The following CLPTM1L variants were observed in gnomAD, a reference collection of about 807,000 sequenced individuals.
CLPTM1L encodes the protein lipid scramblase CLPTM1L.
CLPTM1L carries 38 observed loss-of-function variants against 70.9 expected under a neutral mutation model. That is an observed-to-expected ratio of 0.54 (90% confidence interval 0.41 to 0.70). The LOEUF is 0.70. Among genes scored for constraint, CLPTM1L ranks in the 30% least tolerant of loss-of-function variants. CLPTM1L has a pLI of 0.00. For missense variants in CLPTM1L, 652 were observed against 705.9 expected, an observed-to-expected ratio of 0.92 and a Z score of 0.87; for synonymous variants, 339 against 299.9, an observed-to-expected ratio of 1.13 and a Z score of -1.35.
intron 5 of CLPTM1L, among the ~76,000 whole-genome samples, chr5:1,335,415 G>T (rs369713965): frequency 2.6e-5 from 4 of 152,238 alleles, no homozygotes; most frequent in Non-Finnish European, 5.9e-5. Flanking sequence ...GCTCAGCAGC[G>T]CTAGCAGTGC....
In CLPTM1L at chr5:1,338,910, A is replaced by C; in HGVS notation, c.549T>G (p.Phe183Leu). The C allele has an allele frequency of 3.1e-6, 5 of 1,613,374 alleles. No individual in the cohort carries two copies. The highest frequency in any genetic ancestry group is 4.2e-6 in the Non-Finnish European group (5 of 1,180,042). The stretch of plus-strand genomic sequence containing the variant: ...CAGGCAGGGAGGACCCGTCAAAGAC[A>C]AAGTTGTCCGCCATCACGTTCAGCG... ...RLALNVMADNFVFDGSSLPAD... is the reference protein window; with the variant it reads ...RLALNVMADNLVFDGSSLPAD... Residue 183 changes from phenylalanine to leucine, a missense_variant, in exon 4 of 17, where the codon TTT (phenylalanine) becomes TTG (leucine). Around this residue, in one of 3 missense-constraint regions of CLPTM1L, gnomAD observed 402 missense variants for 388.2 expected, o/e 1.04. Transcript: ENST00000320895.
chr5:1,342,039 T>TGTGTGTGTGTGTGTGTGTGTGCGC lies in CLPTM1L; in HGVS notation c.264-180_264-179insGCGCACACACACACACACACACAC, dbSNP rs3222913. On this transcript the variant is annotated intron_variant, in intron 2 of 16. Transcript: ENST00000320895. This position sits in a 1 kb window ranked among gnomAD's most constrained non-coding sequence, Gnocchi z 4.3. ...GTGTGTGTGTGTGTGTGTGTGTGTG[T>TGTGTGTGTGTGTGTGTGTGTGCGC]GCACGCGCACGCGTGCGCGTCCTGA... 6.7e-6 allele frequency among the ~76,000 whole-genome samples: 1 copy of TGTGTGTGTGTGTGTGTGTGTGCGC among 148,976 alleles called. No individual in the cohort carries two copies. Among genetic ancestry groups the TGTGTGTGTGTGTGTGTGTGTGCGC allele is most frequent in the Non-Finnish European group, 1.5e-5 (1 of 67,344 alleles).
intron 5 of CLPTM1L, among the ~76,000 whole-genome samples, chr5:1,336,955 T>C (rs456366): frequency 0.49 from 74,676 of 152,028 alleles, 20,120 homozygotes; most frequent in African/African-American, 0.71. Flanking sequence ...ACCCCCCCGC[T>C]AGCAAGCCCT....
rs143001023 is a variant in CLPTM1L, at chr5:1,342,636, A to G, written c.264-776T>C. 1.3e-5 allele frequency among the ~76,000 whole-genome samples: 2 copies of G among 152,220 alleles called. No homozygotes were observed. The highest frequency in any genetic ancestry group is 1.5e-5 in the Non-Finnish European group (1 of 68,042). On this transcript the variant is annotated intron_variant, in intron 2 of 16. Transcript: ENST00000320895. This position sits in a 1 kb window ranked among gnomAD's most constrained non-coding sequence, Gnocchi z 4.3. ...ACAAGGTCTCGCTGTCACCAGGCTG[A>G]AAGTGTAGGGGTGCAATCACAGCTC...
In CLPTM1L at chr5:1,342,039, T is replaced by TGTGTACGCGCGCGC. The variant is rs3222913; in HGVS notation, c.264-180_264-179insGCGCGCGCGTACAC. Among the ~76,000 whole-genome samples the TGTGTACGCGCGCGC allele has an allele frequency of 6.7e-6, 1 of 148,976 alleles. No homozygotes were observed. Among genetic ancestry groups the TGTGTACGCGCGCGC allele is most frequent in the African/African-American group, 2.5e-5 (1 of 39,664 alleles). On this transcript the variant is annotated intron_variant, in intron 2 of 16. Coordinates refer to ENST00000320895, the MANE Select transcript of CLPTM1L (RefSeq NM_030782.5). The surrounding 1 kb of genome is among the most constrained non-coding windows in gnomAD (Gnocchi z 4.3). ...GTGTGTGTGTGTGTGTGTGTGTGTG[T>TGTGTACGCGCGCGC]GCACGCGCACGCGTGCGCGTCCTGA...
intron 12 of CLPTM1L, among the ~76,000 whole-genome samples, chr5:1,323,219 G>A (rs1162817200): frequency 6.6e-6 from 1 of 151,556 alleles, no homozygotes; most frequent in African/African-American, 2.4e-5. Context: ...CCCTGCCCGG[G>A]CAGCAGAGGC....
chr5:1,334,170 C>G, intron 7 of CLPTM1L, 119 bp downstream of exon 7: 4 of 671,472 alleles, frequency 6.0e-6, no homozygotes, highest in Admixed American at 2.8e-5. Context: ...GGAGTGGACA[C>G]TTGAGGGCCA....
At chr5:1,327,541 G>A (rs1180547536) in intron 9 of CLPTM1L, among the ~76,000 whole-genome samples, 1 of 146,990 alleles carries the variant, frequency 6.8e-6, no homozygotes, top group African/African-American at 2.6e-5. Flanking sequence ...CTCCTCTACA[G>A]GGACATTCCA....
In CLPTM1L at chr5:1,321,792, A is replaced by G. The variant is rs1230636778; in HGVS notation, c.1343T>C (p.Met448Thr). 8 of 1,613,960 alleles carry G rather than the reference A, an allele frequency of 5.0e-6. No individual in the cohort carries two copies. The highest frequency in any genetic ancestry group is 3.3e-4 in the Middle Eastern group (2 of 6,084). Reference sequence around the variant, plus strand: ...GTAGTTCACAAAGAGCTGGGGCAGCATGAAGAGGAAACCAAAGGCATAGAC... The same window carrying G: ...GTAGTTCACAAAGAGCTGGGGCAGCGTGAAGAGGAAACCAAAGGCATAGAC... ...NGVYAFGFLF[M>T]LPQLFVNYKL... Residue 448 changes from methionine (M) to threonine (T), a missense_variant, in exon 14 of 17, where the codon ATG becomes ACG. By Grantham distance (81) the Met-to-Thr change is moderately conservative. Around this residue, in one of 3 missense-constraint regions of CLPTM1L, gnomAD observed 240 missense variants for 295.0 expected, o/e 0.81. Transcript: ENST00000320895.
intron 10 of CLPTM1L, chr5:1,325,492 C>T (rs980283154): frequency 7.6e-6 from 4 of 528,722 alleles, no homozygotes; most frequent in Non-Finnish European, 1.0e-5. Context: ...CAGCCAGCAT[C>T]CTTCCTCCCA....
intron 2 of CLPTM1L, 58 bp downstream of exon 2, chr5:1,344,293 A>G (rs1345932064): frequency 7.7e-6 from 9 of 1,167,998 alleles, no homozygotes; most frequent in Non-Finnish European, 1.2e-5. Flanking sequence ...TAACTTTTAA[A>G]CAATCTGAAC....
chr5:1,321,901 G>T, intron 13 of CLPTM1L, 82 bp from the exon 14 acceptor site: 1 of 1,338,414 alleles, frequency 7.5e-7, no homozygotes, highest in Non-Finnish European at 1.1e-6. Context: ...ACGAGGTGTG[G>T]AGGGCCGAGC....
At position 1,342,406 on chromosome 5, in the gene CLPTM1L, G is replaced by C. The variant is rs1426503187; in HGVS notation, c.264-546C>G. ...CCACAAAGGACTGACTTTCAAGGCT[G>C]TCAGTCCTGACTGTGTGGCATCCAG... On this transcript the variant is annotated intron_variant, in intron 2 of 16. Transcript: ENST00000320895. This position sits in a 1 kb window ranked among gnomAD's most constrained non-coding sequence, Gnocchi z 4.3. Among the ~76,000 whole-genome samples the C allele has an allele frequency of 6.6e-6, 1 of 152,198 alleles. No homozygotes were observed. The highest frequency in any genetic ancestry group is 1.5e-5 in the Non-Finnish European group (1 of 68,038).
At chr5:1,340,260 G>A (rs898539750) in intron 3 of CLPTM1L, among the ~76,000 whole-genome samples, 2 of 152,364 alleles carry the variant, frequency 1.3e-5, no homozygotes, top group Admixed American at 6.5e-5. Flanking sequence ...ACACAGCCCT[G>A]TGGCTGTAAG....
intron 5 of CLPTM1L, among the ~76,000 whole-genome samples, chr5:1,336,561 G>A (rs968704048): frequency 2.6e-5 from 4 of 152,214 alleles, no homozygotes; most frequent in Admixed American, 6.5e-5. Context: ...AGGTGACCAC[G>A]AGCTGGTGCC....
chr5:1,329,961 G>A (rs189359660), intron 9 of CLPTM1L, among the ~76,000 whole-genome samples: 67 of 137,412 alleles, frequency 4.9e-4, no homozygotes, highest in African/African-American at 1.8e-3. Flanking sequence ...TTGGTGGACA[G>A]GGCCTCAGGA....
chr5:1,334,271 C>A lies in CLPTM1L; in HGVS notation c.891+18G>T, dbSNP rs372080410. 6.2e-6 allele frequency: 10 copies of A among 1,604,738 alleles called. No homozygotes were observed. The highest frequency in any genetic ancestry group is 8.5e-6 in the Non-Finnish European group (10 of 1,171,982). ...GCCCCCCAAGTGCCTGCGGCAAGCC[C>A]CCCGGTGGATGACTCACATGGAACG... On this transcript the variant is annotated intron_variant, in intron 7 of 16. Coordinates refer to ENST00000320895, the MANE Select transcript of CLPTM1L (RefSeq NM_030782.5).
At chr5:1,324,703 CG>C (rs1296871165) in intron 11 of CLPTM1L, 59 bp downstream of exon 11, 14 of 1,444,352 alleles carry the variant, frequency 9.7e-6, no homozygotes, top group Non-Finnish European at 1.4e-5. Flanking sequence ...GTAAAAGACC[CG>C]TCTTTGAGGG....
At chr5:1,322,799 T>C (rs1752235144) in intron 13 of CLPTM1L, 78 bp downstream of exon 13, 9 of 1,459,962 alleles carry the variant, frequency 6.2e-6, no homozygotes, top group Non-Finnish European at 8.7e-6. Flanking sequence ...CTTGCCACAC[T>C]GGGTTTCAAT....
Sources: allele counts gnomAD v4.1 joint callset (sites outside exome capture counted in the v4.1 genomes callset), GRCh38; gene constraint gnomAD v4.1.1; regional missense constraint gnomAD v4.1.1; non-coding constraint Gnocchi (gnomAD v3.1); transcripts MANE v1.5; gene names NCBI Gene and HGNC (gene_info 2026-07-23, HGNC 2026-07-21).